The following XKR9 variants were observed in gnomAD, a reference collection of about 807,000 sequenced individuals.
The protein encoded by XKR9 is XK related 9, also known as XK-related protein 9.
A neutral mutation model predicts 32.0 loss-of-function variants in XKR9; 32 were observed. The observed-to-expected ratio is 1.00, with a 90% CI of 0.76 to 1.34. The LOEUF (loss-of-function observed/expected upper bound fraction) is 1.34. Ranked by LOEUF, XKR9 falls within the 40% of genes most tolerant of loss-of-function variation. XKR9 has a pLI of 0.00. For synonymous variants in XKR9, 168 were observed against 143.4 expected, an observed-to-expected ratio of 1.17 and a Z score of -1.22; for missense variants, 546 against 429.7, an observed-to-expected ratio of 1.27 and a Z score of -2.39.
the XKR9 span, among the ~76,000 whole-genome samples, chr8:70,835,113 G>A: frequency 6.6e-6 from 1 of 152,106 alleles, no homozygotes; most frequent in Non-Finnish European, 1.5e-5. Context: ...ACCACAAGGA[G>A]GAGCTGTGGC....
the XKR9 span, among the ~76,000 whole-genome samples, chr8:70,796,790 A>G: frequency 7.4e-3 from 1,130 of 152,356 alleles, 6 homozygotes; most frequent in South Asian, 0.022. Flanking sequence ...TAGGCCTAGC[A>G]CATAGTAACC....
At chr8:70,739,254 GT>G (rs1272545823), downstream of XKR9, among the ~76,000 whole-genome samples, 1 of 152,046 alleles carries the variant, frequency 6.6e-6, no homozygotes, top group Admixed American at 6.6e-5. Flanking sequence ...ATGTTTGTTG[GT>G]TTAAAGTCTC....
At chr8:70,693,698 G>C (rs1257610454) in intron 3 of XKR9, among the ~76,000 whole-genome samples, 2 of 152,248 alleles carry the variant, frequency 1.3e-5, no homozygotes, top group Non-Finnish European at 2.9e-5. Flanking sequence ...AAGACGGAAG[G>C]TTTGTGCTGT....
At chr8:70,880,739 A>T in the XKR9 span, among the ~76,000 whole-genome samples, 1 of 152,184 alleles carries the variant, frequency 6.6e-6, no homozygotes, top group African/African-American at 2.4e-5. Flanking sequence ...TCAAGCTACC[A>T]ATGACTTTCT....
chr8:70,787,176 G>C (rs1377472654), intron 2 of XKR9, among the ~76,000 whole-genome samples: 1 of 152,114 alleles, frequency 6.6e-6, no homozygotes, highest in Non-Finnish European at 1.5e-5. Context: ...GTATCTCCAT[G>C]TTGTAGCCAA....
At position 70,710,660 on chromosome 8, in the gene XKR9, C is replaced by T. The variant is rs1048404465; in HGVS notation, c.493+3507C>T. 4.6e-5 allele frequency among the ~76,000 whole-genome samples: 7 copies of T among 152,054 alleles called. No individual in the cohort carries two copies. In the South Asian group the frequency reaches 6.2e-4, roughly 14 times the overall value. Reference sequence around the variant, plus strand: ...CGGAGGTTGCAGTGAGCCAAGATCGCACCACTGTACTCCAACCTGGGTGAC... The same window carrying T: ...CGGAGGTTGCAGTGAGCCAAGATCGTACCACTGTACTCCAACCTGGGTGAC... On this transcript the variant is annotated intron_variant, in intron 4 of 4. Coordinates refer to ENST00000408926, the MANE Select transcript of XKR9 (RefSeq NM_001011720.2).
chr8:71,039,341 T>A, the XKR9 span, among the ~76,000 whole-genome samples: 1 of 152,224 alleles, frequency 6.6e-6, no homozygotes, highest in Non-Finnish European at 1.5e-5. Flanking sequence ...GGTGTTAGCC[T>A]AGCCTACTTT....
chr8:70,868,063 G>A, the XKR9 span, among the ~76,000 whole-genome samples: 7 of 152,264 alleles, frequency 4.6e-5, no homozygotes, highest in South Asian at 4.1e-4. Context: ...TGCAAGAGGC[G>A]GGCTCCCATG....
At chr8:70,925,395 T>A in the XKR9 span, among the ~76,000 whole-genome samples, 1 of 152,170 alleles carries the variant, frequency 6.6e-6, no homozygotes, top group Non-Finnish European at 1.5e-5. Flanking sequence ...CTAGGAGGGA[T>A]CAGTTTTTTC....
intron 4 of XKR9, among the ~76,000 whole-genome samples, chr8:70,710,284 A>G (rs1805867317): frequency 6.6e-6 from 1 of 152,222 alleles, no homozygotes; most frequent in Non-Finnish European, 1.5e-5. Flanking sequence ...ATATACAAAA[A>G]TCAACTCAAG....
chr8:70,816,283 G>A, the XKR9 span, among the ~76,000 whole-genome samples: 1 of 152,170 alleles, frequency 6.6e-6, no homozygotes, highest in Non-Finnish European at 1.5e-5. Flanking sequence ...GGGAAAACTG[G>A]ACAGTAGCTG....
At chr8:70,765,639 G>T (rs910225824) in intron 2 of XKR9, among the ~76,000 whole-genome samples, 2 of 152,168 alleles carry the variant, frequency 1.3e-5, no homozygotes, top group African/African-American at 2.4e-5. Flanking sequence ...TTTGGCTTGC[G>T]TTGCAGTTGC....
At chr8:70,730,199 C>T (rs1223105508) in intron 4 of XKR9, among the ~76,000 whole-genome samples, 2 of 152,126 alleles carry the variant, frequency 1.3e-5, no homozygotes, top group Middle Eastern at 3.2e-3. Flanking sequence ...AAAAAAACCC[C>T]TTTCATTATC....
At position 70,777,707 on chromosome 8, in the gene XKR9, GTGA is replaced by G. The variant is rs538964398; in HGVS notation, n.353-11625_353-11623del. On this transcript the variant is annotated intron_variant and non_coding_transcript_variant, in intron 2 of 3. Coordinates refer to the XKR9 transcript ENST00000520273. Reference sequence around the variant, plus strand: ...TTGACTTGCATTTCTCTAATGACCAGTGATGATGAGCATTTTTTTCATATGTCT... The same window carrying G: ...TTGACTTGCATTTCTCTAATGACCAGTGATGAGCATTTTTTTCATATGTCT... Among the ~76,000 whole-genome samples the G allele has an allele frequency of 1.1e-3, 161 of 152,286 alleles. 3 individuals carry two copies. In the South Asian group the frequency reaches 0.033, roughly 31 times the overall value.
chr8:70,830,196 T>C, the XKR9 span, among the ~76,000 whole-genome samples: 1 of 152,324 alleles, frequency 6.6e-6, no homozygotes, highest in East Asian at 1.9e-4. Flanking sequence ...TTTATAAAAC[T>C]AACTGCTGGT....
chr8:70,861,017 CT>C, the XKR9 span, among the ~76,000 whole-genome samples: 1 of 152,132 alleles, frequency 6.6e-6, no homozygotes, highest in African/African-American at 2.4e-5. Context: ...TGTCTGTCTT[CT>C]CTTTCCTTGA....
In XKR9 at chr8:70,696,033, T is replaced by G. The variant is rs973474215; in HGVS notation, c.273-10900T>G. ...CGCCCACTTTTTGATGGGGTTGTTTTTTTTTTTCTTGTAAATTTGTTTGAG... is the reference window on the plus strand; with the variant it reads ...CGCCCACTTTTTGATGGGGTTGTTTGTTTTTTTCTTGTAAATTTGTTTGAG... On this transcript the variant is annotated intron_variant, in intron 3 of 4. Coordinates refer to ENST00000408926, the MANE Select transcript of XKR9 (RefSeq NM_001011720.2). 5.3e-4 allele frequency among the ~76,000 whole-genome samples: 81 copies of G among 151,872 alleles called. 1 individual carries two copies. Among genetic ancestry groups the G allele is most frequent in the East Asian group, 2.9e-3 (15 of 5,180 alleles).
chr8:70,785,717 T>TGC (rs1247822634), intron 2 of XKR9, among the ~76,000 whole-genome samples: 1 of 109,572 alleles, frequency 9.1e-6, no homozygotes, highest in Non-Finnish European at 2.0e-5. Flanking sequence ...TACTTTTTTT[T>TGC]GCTCTCTCTC....
chr8:70,958,959 A>G, the XKR9 span, among the ~76,000 whole-genome samples: 1 of 152,112 alleles, frequency 6.6e-6, no homozygotes, highest in African/African-American at 2.4e-5. Flanking sequence ...TGTGCCTAGT[A>G]TATAGCCTAT....
Sources: gnomAD v4.1 joint callset for allele counts (sites outside exome capture counted in the v4.1 genomes callset) on GRCh38, gnomAD v4.1.1 for gene constraint, MANE v1.5 for transcripts, NCBI Gene and HGNC (gene_info 2026-07-23, HGNC 2026-07-21) for gene names.